INTU: variants seen among roughly 807,000 people sequenced by gnomAD.
INTU encodes the protein protein inturned.
A neutral mutation model predicts 100.5 loss-of-function variants in INTU; 68 were observed. That is an observed-to-expected ratio of 0.68 (90% CI 0.56 to 0.83). The LOEUF (loss-of-function observed/expected upper bound fraction) is 0.83. Among genes scored for constraint, INTU ranks in the 40% least tolerant of loss-of-function variants. INTU has a pLI of 0.00. For synonymous variants in INTU, 357 were observed against 395.7 expected (o/e 0.90, Z 1.16); for missense variants, 1,071 against 1,114.7 (o/e 0.96, Z 0.56).
At chr4:127,708,893 A>G (rs1730988178) in intron 13 of INTU, among the ~76,000 whole-genome samples, 1 of 152,218 alleles carries the variant, frequency 6.6e-6, no homozygotes. Context: ...TCAAAATGTG[A>G]AAGTCTCCCT....
intron 6 of INTU, among the ~76,000 whole-genome samples, chr4:127,677,244 G>C (rs1242791660): frequency 6.6e-6 from 1 of 152,178 alleles, no homozygotes; most frequent in East Asian, 1.9e-4. Context: ...TTTGAAGAGA[G>C]CAGTGGTTCT....
intron 5 of INTU, among the ~76,000 whole-genome samples, chr4:127,671,947 A>G (rs1038832564): frequency 2.6e-5 from 4 of 152,108 alleles, no homozygotes; most frequent in African/African-American, 9.7e-5. Context: ...TGGGGGCTAA[A>G]TAATGTATAC....
intron 2 of INTU, among the ~76,000 whole-genome samples, chr4:127,653,380 C>T (rs1490818966): frequency 2.8e-5 from 4 of 141,890 alleles, no homozygotes; most frequent in Admixed American, 7.1e-5. Flanking sequence ...TTTCCCTCTA[C>T]ACACTGCTTT....
chr4:127,688,007 G>A (rs1729912933), intron 8 of INTU, 140 bp downstream of exon 8: 3 of 507,414 alleles, frequency 5.9e-6, no homozygotes, highest in Admixed American at 3.8e-5. Flanking sequence ...CAAAGTAGGA[G>A]GTCCAGTGCA....
At position 127,675,384 on chromosome 4, in the gene INTU, C is replaced by T. The variant is rs552614576; in HGVS notation, c.1181+1171C>T. On this transcript the variant is annotated intron_variant, in intron 6 of 15. Coordinates refer to ENST00000335251, the MANE Select transcript of INTU (RefSeq NM_015693.4). The stretch of plus-strand genomic sequence containing the variant: ...AGATGCATTATCTAGCCAATCTGAA[C>T]GTGAATATGACTATTTTTTATTACT... 2.0e-4 allele frequency among the ~76,000 whole-genome samples: 31 copies of T among 152,272 alleles called. 1 individual carries two copies. The highest frequency in any genetic ancestry group is 6.2e-4 in the South Asian group (3 of 4,828).
intron 13 of INTU, 86 bp from the exon 14 acceptor site, chr4:127,710,824 TAAG>T (rs767898355): frequency 7.0e-6 from 5 of 718,846 alleles, no homozygotes; most frequent in Non-Finnish European, 1.0e-5. Context: ...TAAAAGCTTA[TAAG>T]AAGTCTACTA....
chr4:127,644,470 A>G (rs1243187989), intron 2 of INTU, among the ~76,000 whole-genome samples: 1 of 152,222 alleles, frequency 6.6e-6, no homozygotes, highest in Non-Finnish European at 1.5e-5. Context: ...GTATGTTTGC[A>G]CTTGAGTACA....
chr4:127,708,577 A>G lies in INTU; in HGVS notation c.2278A>G (p.Lys760Glu), dbSNP rs1351624237. ...ACTTAACTATATTTTTCAGGTCACT[A>G]AAAAGAAGTCTACTCTTCCAAATCC... ...EESGTLLKVTKKKSTLPNPFH... is the reference protein window; with the variant it reads ...EESGTLLKVTEKKSTLPNPFH... The change falls in exon 13 of 16, where the codon AAA (lysine) becomes GAA (glutamate). Residue 760 changes from lysine (K) to glutamate (E), a missense_variant. Physicochemically the swap from Lys to Glu is moderately conservative, Grantham distance 56. Coordinates refer to ENST00000335251, the MANE Select transcript of INTU (RefSeq NM_015693.4). The G allele has an allele frequency of 6.4e-7, 1 of 1,565,272 alleles. No individual in the cohort carries two copies. Among genetic ancestry groups the G allele is most frequent in the Non-Finnish European group, 8.8e-7 (1 of 1,142,706 alleles).
At chr4:127,641,571 A>C (rs1560826417) in intron 1 of INTU, among the ~76,000 whole-genome samples, 2 of 152,000 alleles carry the variant, frequency 1.3e-5, no homozygotes, top group Non-Finnish European at 1.5e-5. Context: ...ACCTCCAGCT[A>C]GGCTAAGCTG....
chr4:127,716,222 C>A, intron 15 of INTU, 103 bp from the exon 16 acceptor site: 1 of 543,248 alleles, frequency 1.8e-6, no homozygotes, highest in Non-Finnish European at 3.3e-6. Context: ...TTTAAATTTA[C>A]TACTGATGCT....
At chr4:127,647,529 A>G (rs1169690885) in intron 2 of INTU, among the ~76,000 whole-genome samples, 1 of 152,186 alleles carries the variant, frequency 6.6e-6, no homozygotes, top group Non-Finnish European at 1.5e-5. Context: ...ATAATCCAGG[A>G]CAGTCTTCCA....
At chr4:127,660,689 T>A (rs1279842075) in intron 3 of INTU, among the ~76,000 whole-genome samples, 1 of 152,006 alleles carries the variant, frequency 6.6e-6, no homozygotes, top group Non-Finnish European at 1.5e-5. Context: ...AAGTGATGAG[T>A]CATAGAGAGT....
At chr4:127,644,093 G>A in intron 2 of INTU, 37 bp downstream of exon 2, 1 of 1,573,102 alleles carries the variant, frequency 6.4e-7, no homozygotes, top group Non-Finnish European at 8.6e-7. Context: ...CCTGTTTACA[G>A]AGATCTTGAT....
chr4:127,694,262 G>A (rs569842034), intron 8 of INTU, among the ~76,000 whole-genome samples: 2 of 151,524 alleles, frequency 1.3e-5, no homozygotes, highest in Middle Eastern at 3.2e-3. Flanking sequence ...TTATTTGTCT[G>A]TTCAGAGATC....
intron 8 of INTU, among the ~76,000 whole-genome samples, chr4:127,689,896 C>G (rs1222305736): frequency 1.3e-5 from 2 of 152,136 alleles, no homozygotes; most frequent in Non-Finnish European, 2.9e-5. Flanking sequence ...GTCTTTTATC[C>G]TCAGTCACAG....
At chr4:127,664,789 A>G (rs1276866155) in intron 4 of INTU, among the ~76,000 whole-genome samples, 1 of 151,780 alleles carries the variant, frequency 6.6e-6, no homozygotes, top group Non-Finnish European at 1.5e-5. Context: ...GCCTGTTTCC[A>G]ATCTGGCAGT....
chr4:127,704,223 C>A lies in INTU; in HGVS notation c.1504-5C>A. ...TATAAAATCCACTATGAATTTTTCC[C>A]CCAGTCCGAGGATTACTATGACATG... On this transcript the variant is annotated splice_region_variant and splice_polypyrimidine_tract_variant and intron_variant, in intron 9 of 15. Transcript: ENST00000335251. The A allele has an allele frequency of 6.2e-7, 1 of 1,601,142 alleles. No homozygotes were observed. Among genetic ancestry groups the A allele is most frequent in the South Asian group, 1.1e-5 (1 of 87,528 alleles).
intron 4 of INTU, among the ~76,000 whole-genome samples, chr4:127,665,963 T>G (rs1329040358): frequency 1.3e-5 from 2 of 152,254 alleles, no homozygotes; most frequent in East Asian, 1.9e-4. Flanking sequence ...CTCTAATCTA[T>G]TTGAAGATAG....
chr4:127,659,272 T>C (rs1270729904), intron 3 of INTU, among the ~76,000 whole-genome samples: 3 of 152,090 alleles, frequency 2.0e-5, no homozygotes, highest in Non-Finnish European at 4.4e-5. Context: ...GGACAATGTG[T>C]TAAAATACCT....
Sources: allele counts gnomAD v4.1 joint callset (sites outside exome capture counted in the v4.1 genomes callset), GRCh38; gene constraint gnomAD v4.1.1; transcripts MANE v1.5; gene names NCBI Gene and HGNC (gene_info 2026-07-23, HGNC 2026-07-21).